EFCAB11: variants seen among roughly 807,000 people sequenced by gnomAD.
EFCAB11 encodes the protein EF-hand calcium binding domain 11.
EFCAB11 carries 14 observed loss-of-function variants against 23.0 expected under a neutral mutation model. That is an observed-to-expected ratio of 0.61 (90% CI 0.40 to 0.95). The LOEUF is 0.95. Ranked by LOEUF, EFCAB11 falls within the 40% of genes least tolerant of loss-of-function variation. EFCAB11 has a pLI of 0.00. For synonymous variants in EFCAB11, 65 were observed against 66.6 expected (o/e 0.98, Z 0.11); for missense variants, 198 against 195.8 (o/e 1.01, Z -0.07).
intron 5 of EFCAB11, among the ~76,000 whole-genome samples, chr14:89,810,218 G>A (rs1178900747): frequency 6.6e-6 from 1 of 152,152 alleles, no homozygotes; most frequent in Admixed American, 6.5e-5. Flanking sequence ...CTGAACATAC[G>A]AGCATGTGAG....
chr14:89,823,438 C>T (rs932198316), intron 5 of EFCAB11, among the ~76,000 whole-genome samples: 8 of 152,148 alleles, frequency 5.3e-5, no homozygotes, highest in Admixed American at 2.6e-4. Flanking sequence ...ACAATGAGTC[C>T]ACCATGCTGC....
chr14:89,860,130 G>A (rs534067729), intron 5 of EFCAB11, among the ~76,000 whole-genome samples: 9 of 152,102 alleles, frequency 5.9e-5, no homozygotes, highest in South Asian at 2.1e-4. Context: ...TTGGGAGGCC[G>A]AGGCAGGTGG....
At chr14:89,937,639 C>T (rs1403483349) in intron 3 of EFCAB11, among the ~76,000 whole-genome samples, 1 of 152,134 alleles carries the variant, frequency 6.6e-6, no homozygotes, top group Non-Finnish European at 1.5e-5. Context: ...GATTCTACTG[C>T]CTCAGCCTCC....
intron 5 of EFCAB11, among the ~76,000 whole-genome samples, chr14:89,922,219 A>T (rs754777951): frequency 2.0e-5 from 3 of 152,250 alleles, no homozygotes; most frequent in Non-Finnish European, 2.9e-5. Flanking sequence ...CTATAGTGAC[A>T]TCCCAAAAAC....
chr14:89,816,028 T>C (rs1449056047), intron 5 of EFCAB11, among the ~76,000 whole-genome samples: 3 of 152,248 alleles, frequency 2.0e-5, no homozygotes, highest in Admixed American at 6.5e-5. Flanking sequence ...GCATGGGGTA[T>C]CTATTTTTTG....
chr14:89,846,629 C>T (rs967935584), intron 5 of EFCAB11, among the ~76,000 whole-genome samples: 1 of 152,174 alleles, frequency 6.6e-6, no homozygotes, highest in African/African-American at 2.4e-5. Flanking sequence ...GTGCACAACT[C>T]CCTGTACTCA....
At chr14:89,925,462 T>C (rs1890159521) in intron 5 of EFCAB11, among the ~76,000 whole-genome samples, 1 of 152,162 alleles carries the variant, frequency 6.6e-6, no homozygotes, top group Non-Finnish European at 1.5e-5. Context: ...AAACACCCTA[T>C]TATCTAACAT....
At chr14:89,925,339 A>T (rs191680981) in intron 5 of EFCAB11, among the ~76,000 whole-genome samples, 1 of 152,354 alleles carries the variant, frequency 6.6e-6, no homozygotes. Context: ...TACCCCTTAG[A>T]GTCACTGAAG....
intron 5 of EFCAB11, among the ~76,000 whole-genome samples, chr14:89,908,911 G>T (rs1889576398): frequency 6.6e-6 from 1 of 152,188 alleles, no homozygotes; most frequent in African/African-American, 2.4e-5. Flanking sequence ...ACTGAACTCA[G>T]GCTAGATCTA....
At chr14:89,926,275 T>C (rs905990734) in intron 5 of EFCAB11, among the ~76,000 whole-genome samples, 1 of 152,224 alleles carries the variant, frequency 6.6e-6, no homozygotes, top group South Asian at 2.1e-4. Context: ...TCACAACTTT[T>C]CTCTTGGTAG....
At chr14:89,910,445 A>G (rs1889641674) in intron 5 of EFCAB11, among the ~76,000 whole-genome samples, 1 of 152,088 alleles carries the variant, frequency 6.6e-6, no homozygotes, top group African/African-American at 2.4e-5. Flanking sequence ...TAAAAATACA[A>G]AAATTTGCTG....
At chr14:89,929,950 T>A (rs918698562) in intron 5 of EFCAB11, among the ~76,000 whole-genome samples, 1 of 152,198 alleles carries the variant, frequency 6.6e-6, no homozygotes, top group Admixed American at 6.5e-5. Flanking sequence ...TTCATCATAT[T>A]TGGACAACTG....
chr14:89,807,883 G>A (rs1202173995), intron 5 of EFCAB11, among the ~76,000 whole-genome samples: 1 of 152,066 alleles, frequency 6.6e-6, no homozygotes, highest in Non-Finnish European at 1.5e-5. Context: ...CCTCAATTCG[G>A]TAATTAAAAG....
intron 5 of EFCAB11, chr14:89,830,121 G>GATATATATTTAGATATATATTTAGATAT (rs1886835575): frequency 1.3e-5 from 2 of 152,186 alleles, no homozygotes; most frequent in Admixed American, 1.3e-4. Flanking sequence ...AAATTATTTA[G>GATATATATTTAGATATATATTTAGATAT]ATATACCTTA....
intron 5 of EFCAB11, chr14:89,848,985 T>C (rs562388139): frequency 1.3e-5 from 2 of 152,258 alleles, no homozygotes; most frequent in South Asian, 2.1e-4. Flanking sequence ...AGGAATAACG[T>C]TCAGTGATAA....
At chr14:89,952,488 G>A (rs941516350) in intron 2 of EFCAB11, 10 of 985,318 alleles carry the variant, frequency 1.0e-5, no homozygotes, top group Non-Finnish European at 1.2e-5. Flanking sequence ...AGGTAAACAG[G>A]AGAGCTGCCA....
chr14:89,854,196 CA>C (rs11323871), intron 5 of EFCAB11, among the ~76,000 whole-genome samples: 6,360 of 129,396 alleles, frequency 0.049, 208 homozygotes, highest in African/African-American at 0.12. Flanking sequence ...GGTTGTCTCT[CA>C]AAAAAAAAAA....
chr14:89,861,916 G>T (rs567720078), intron 5 of EFCAB11, among the ~76,000 whole-genome samples: 27 of 152,282 alleles, frequency 1.8e-4, no homozygotes, highest in African/African-American at 6.5e-4. Context: ...CAAGTCTCAG[G>T]TATTCAGTTA....
intron 5 of EFCAB11, among the ~76,000 whole-genome samples, chr14:89,913,003 G>A (rs1355501395): frequency 2.0e-5 from 3 of 152,234 alleles, no homozygotes; most frequent in Admixed American, 6.5e-5. Context: ...AAACAATGAG[G>A]TCATTTTTAG....
Sources: gnomAD v4.1 joint callset for allele counts (sites outside exome capture counted in the v4.1 genomes callset) on GRCh38, gnomAD v4.1.1 for gene constraint, MANE v1.5 for transcripts, NCBI Gene and HGNC (gene_info 2026-07-23, HGNC 2026-07-21) for gene names.